Variants in PDE3B observed in about 807,000 individuals in gnomAD.
PDE3B encodes phosphodiesterase 3B.
A neutral mutation model predicts 116.8 loss-of-function variants in PDE3B; 66 were observed. The observed-to-expected ratio is 0.56, with a 90% CI of 0.46 to 0.69. The LOEUF (loss-of-function observed/expected upper bound fraction) is 0.69, where lower values mean the gene tolerates loss of function less well. PDE3B is among the 30% of genes least tolerant of loss of function. The probability of loss-of-function intolerance (pLI) is 0.00; values close to 1 mark genes in which losing one functional copy is unlikely to be tolerated. For missense variants in PDE3B, 1,384 were observed against 1,368.1 expected (o/e 1.01, Z -0.18); for synonymous variants, 595 against 533.6 (o/e 1.12, Z -1.59).
Position 14,867,123 on chromosome 11 carries a change from C to T in PDE3B, c.2887-383C>T, listed in dbSNP as rs898308111. On this transcript the variant is annotated intron_variant, in intron 14 of 15. Transcript: ENST00000282096. ...ATTGAAAAGCACTTGCAAAATTCAG[C>T]TCTGTACATTTGAGATATAACTACA... is the stretch of plus-strand genomic sequence containing the variant. Among the ~76,000 whole-genome samples, 10 of 151,082 alleles carry T rather than the reference C, an allele frequency of 6.6e-5. No homozygotes were observed. In the East Asian group the frequency reaches 7.7e-4, roughly 12 times the overall value.
chr11:14,773,158 CTT>C (rs986346955), intron 2 of PDE3B: 4 of 151,714 alleles, frequency 2.6e-5, no homozygotes, highest in African/African-American at 9.7e-5. Context: ...CTTTTTTTCT[CTT>C]AAGTTATGAG....
intron 13 of PDE3B, 135 bp downstream of exon 13, chr11:14,859,381 A>G (rs1847906568): frequency 2.0e-6 from 1 of 507,440 alleles, no homozygotes; most frequent in African/African-American, 2.0e-5. Flanking sequence ...AAAATAATAT[A>G]TATGCCTATA....
intron 4 of PDE3B, among the ~76,000 whole-genome samples, chr11:14,800,112 T>TA (rs971649335): frequency 6.6e-6 from 1 of 152,208 alleles, no homozygotes; most frequent in African/African-American, 2.4e-5. Context: ...GAGCTCTTGT[T>TA]AGGCAGGCCT....
chr11:14,753,740 T>G (rs1857114131), intron 1 of PDE3B, among the ~76,000 whole-genome samples: 1 of 152,104 alleles, frequency 6.6e-6, no homozygotes, highest in South Asian at 2.1e-4. Context: ...CCCCAGGTTT[T>G]TAAATATTTT....
chr11:14,848,795 CCT>C (rs1391894939), intron 12 of PDE3B, among the ~76,000 whole-genome samples: 1 of 152,108 alleles, frequency 6.6e-6, no homozygotes, highest in African/African-American at 2.4e-5. Context: ...ATGTGAAGGA[CCT>C]CTTCAAGGAG....
chr11:14,879,071 T>C, the PDE3B span: 12 of 1,459,742 alleles, frequency 8.2e-6, no homozygotes, highest in Non-Finnish European at 1.2e-5. Context: ...TGAATTATCA[T>C]TATCCTTTAT....
intron 1 of PDE3B, among the ~76,000 whole-genome samples, chr11:14,695,347 C>G (rs1333245452): frequency 6.6e-6 from 1 of 151,808 alleles, no homozygotes; most frequent in Admixed American, 6.6e-5. Flanking sequence ...TATTCATTTT[C>G]TAGTTTATGG....
chr11:14,698,145 G>A (rs1166788636), intron 1 of PDE3B, among the ~76,000 whole-genome samples: 1 of 151,812 alleles, frequency 6.6e-6, no homozygotes, highest in Non-Finnish European at 1.5e-5. Flanking sequence ...GTGTATGTGT[G>A]TGTATATTAT....
In PDE3B at chr11:14,733,270, A is replaced by G. The variant is rs77335777; in HGVS notation, c.979-38667A>G. ...AGTGAATGTTTTATCTTGTAAAAAG[A>G]TATCTCAGCCCCTAGGATGGTCTAC... On this transcript the variant is annotated intron_variant, in intron 1 of 15. Coordinates refer to ENST00000282096, the MANE Select transcript of PDE3B (RefSeq NM_000922.4). Among the ~76,000 whole-genome samples the G allele has an allele frequency of 6.7e-3, 1,018 of 152,324 alleles. 9 individuals carry two copies. Among genetic ancestry groups the G allele is most frequent in the African/African-American group, 0.024 (977 of 41,570 alleles).
chr11:14,849,618 A>G (rs201613913), intron 12 of PDE3B, among the ~76,000 whole-genome samples: 4 of 152,238 alleles, frequency 2.6e-5, no homozygotes, highest in African/African-American at 9.6e-5. Context: ...CAGAATCTAC[A>G]ATGAACTCAA....
At chr11:14,862,449 A>T (rs1847968362) in intron 14 of PDE3B, among the ~76,000 whole-genome samples, 1 of 152,214 alleles carries the variant, frequency 6.6e-6, no homozygotes, top group Non-Finnish European at 1.5e-5. Flanking sequence ...CAATTCTGCT[A>T]TAAAAAGACT....
chr11:14,770,887 T>A (rs928014959), intron 1 of PDE3B, among the ~76,000 whole-genome samples: 28 of 151,672 alleles, frequency 1.8e-4, no homozygotes, highest in African/African-American at 6.5e-4. Flanking sequence ...CAAACTGTAG[T>A]CCACTGACCA....
chr11:14,869,004 G>C (rs1490293210), intron 15 of PDE3B, among the ~76,000 whole-genome samples: 1 of 151,518 alleles, frequency 6.6e-6, no homozygotes, highest in Non-Finnish European at 1.5e-5. Context: ...CTGGGCGACA[G>C]AGCAAGACTC....
At chr11:14,662,769 C>T (rs924053162) in intron 1 of PDE3B, among the ~76,000 whole-genome samples, 20 of 151,760 alleles carry the variant, frequency 1.3e-4, no homozygotes, top group African/African-American at 4.8e-4. Context: ...AAGAGAATAA[C>T]AAGAAACGAA....
intron 1 of PDE3B, chr11:14,701,062 A>G (rs1399040465): frequency 6.6e-6 from 1 of 151,774 alleles, no homozygotes; most frequent in African/African-American, 2.4e-5. Context: ...CTCAAGTGAT[A>G]ATAACCAATT....
intron 15 of PDE3B, 82 bp downstream of exon 15, chr11:14,867,840 C>A: frequency 8.1e-7 from 1 of 1,236,588 alleles, no homozygotes; most frequent in Non-Finnish European, 1.1e-6. Context: ...ATGAAATGCT[C>A]CAAAATCCAA....
chr11:14,732,491 A>T (rs1856485806), intron 1 of PDE3B, among the ~76,000 whole-genome samples: 1 of 152,212 alleles, frequency 6.6e-6, no homozygotes, highest in Admixed American at 6.5e-5. Flanking sequence ...CCTTTTAATT[A>T]TAGATTTTTG....
chr11:14,735,710 C>CA (rs1321379221), intron 1 of PDE3B, among the ~76,000 whole-genome samples: 1 of 152,122 alleles, frequency 6.6e-6, no homozygotes, highest in Non-Finnish European at 1.5e-5. Context: ...CTAGTGGCTC[C>CA]ATATTAGAGT....
chr11:14,732,823 C>A (rs1250037820), intron 1 of PDE3B, among the ~76,000 whole-genome samples: 3 of 152,148 alleles, frequency 2.0e-5, no homozygotes, highest in Non-Finnish European at 4.4e-5. Context: ...AAGTGGACTT[C>A]TACAGTTCAA....
Sources: gnomAD v4.1 joint callset for allele counts (sites outside exome capture counted in the v4.1 genomes callset) on GRCh38, gnomAD v4.1.1 for gene constraint, MANE v1.5 for transcripts, NCBI Gene and HGNC (gene_info 2026-07-23, HGNC 2026-07-21) for gene names.